TBCK: variants seen among roughly 807,000 people sequenced by gnomAD.
TBCK encodes TBC domain-containing protein kinase-like protein.
TBCK carries 99 observed loss-of-function variants against 113.4 expected under a neutral mutation model. That is an observed-to-expected ratio of 0.87 (90% CI 0.74 to 1.03). The LOEUF (loss-of-function observed/expected upper bound fraction) is 1.03, where lower values mean the gene tolerates loss of function less well. Among genes scored for constraint, TBCK ranks in the 50% least tolerant of loss-of-function variants. TBCK has a pLI of 0.00. For missense variants in TBCK, 1,045 were observed against 1,061.3 expected (o/e 0.98, Z 0.21); for synonymous variants, 369 against 370.8 (o/e 1.00, Z 0.05).
intron 15 of TBCK, among the ~76,000 whole-genome samples, chr4:106,234,102 TC>T (rs1176490197): frequency 5.9e-5 from 9 of 152,216 alleles, no homozygotes; most frequent in Admixed American, 3.3e-4. Flanking sequence ...TTGGTCGTGT[TC>T]TATAGGACCA....
At chr4:106,214,585 C>G (rs566385663) in intron 19 of TBCK, among the ~76,000 whole-genome samples, 1 of 151,732 alleles carries the variant, frequency 6.6e-6, no homozygotes, top group Non-Finnish European at 1.5e-5. Flanking sequence ...CGTCAGGAGC[C>G]GATGCGATCA....
chr4:106,195,570 T>C (rs1754137072), intron 20 of TBCK, among the ~76,000 whole-genome samples: 1 of 151,602 alleles, frequency 6.6e-6, no homozygotes, highest in Non-Finnish European at 1.5e-5. Flanking sequence ...CAGTAAACTG[T>C]CCTCTCCAGT....
intron 19 of TBCK, 106 bp from the exon 20 acceptor site, chr4:106,212,941 A>T: frequency 1.4e-6 from 1 of 719,212 alleles, no homozygotes; most frequent in Non-Finnish European, 2.3e-6. Flanking sequence ...TAATTTCTCC[A>T]TGAGAATACT....
intron 23 of TBCK, among the ~76,000 whole-genome samples, chr4:106,123,922 A>G (rs2149595419): frequency 6.6e-6 from 1 of 151,026 alleles, no homozygotes; most frequent in South Asian, 2.1e-4. Flanking sequence ...AGGCATTACC[A>G]TTCAGGACAT....
chr4:106,056,725 A>G, intron 25 of TBCK, among the ~76,000 whole-genome samples: 1 of 151,700 alleles, frequency 6.6e-6, no homozygotes, highest in Non-Finnish European at 1.5e-5. Context: ...GACTTCAGTC[A>G]GTATCATACA....
chr4:106,105,039 A>G lies in TBCK; in HGVS notation c.2412-9398T>C, dbSNP rs1741980779. ...GTGCGAACTCAGCAACTCCCTGCCC[A>G]GAGCCTACAGGGGCAAATAAAAGCC... is the stretch of plus-strand genomic sequence containing the variant. On this transcript the variant is annotated intron_variant, in intron 24 of 25. Transcript: ENST00000394708. Among the ~76,000 whole-genome samples, 4 of 152,370 alleles carry G rather than the reference A, an allele frequency of 2.6e-5. No individual in the cohort carries two copies. The South Asian group carries it at 8.3e-4, about 32-fold the overall frequency.
chr4:106,230,965 G>A (rs1053220304), intron 18 of TBCK, among the ~76,000 whole-genome samples: 3 of 151,796 alleles, frequency 2.0e-5, no homozygotes, highest in African/African-American at 7.2e-5. Flanking sequence ...GAATATCACA[G>A]AACAGAGTAT....
intron 20 of TBCK, among the ~76,000 whole-genome samples, chr4:106,210,345 GAGAAACCAAC>G (rs2149879991): frequency 6.6e-6 from 1 of 152,234 alleles, no homozygotes; most frequent in East Asian, 1.9e-4. Flanking sequence ...TTGAGAGCAA[GAGAAACCAAC>G]ACAAATATGC....
Position 106,044,184 on chromosome 4 carries a change from A to T in TBCK, c.*2386T>A, listed in dbSNP as rs1734017386. On this transcript the variant is annotated 3_prime_UTR_variant, in exon 26 of 26. Coordinates refer to ENST00000394708, the MANE Select transcript of TBCK (RefSeq NM_001163435.3). ...ACTACCTACCACCTTATTCAACTCA[A>T]ATCACTGCCCCTCCATCCCTCTCTT... 1 of 152,082 alleles carries T rather than the reference A, an allele frequency of 6.6e-6. No individual in the cohort carries two copies. The highest frequency in any genetic ancestry group is 2.1e-4 in the South Asian group (1 of 4,832). The allele number at this position is 152,082 out of a possible 1,614,324, so 9.4% of individuals were successfully genotyped here. A position where few individuals can be genotyped will look rare whatever the true frequency, so the allele number is the denominator to read the frequency against.
At chr4:106,246,362 A>C (rs1244258031) in intron 10 of TBCK, among the ~76,000 whole-genome samples, 1 of 152,192 alleles carries the variant, frequency 6.6e-6, no homozygotes, top group African/African-American at 2.4e-5. Flanking sequence ...ACTTTTCAGA[A>C]TAAAGGTAAC....
At chr4:106,133,862 T>G (rs1746243765) in intron 23 of TBCK, among the ~76,000 whole-genome samples, 1 of 151,998 alleles carries the variant, frequency 6.6e-6, no homozygotes, top group Non-Finnish European at 1.5e-5. Context: ...CTACAAAAAT[T>G]AGCCGGGCAT....
intron 22 of TBCK, among the ~76,000 whole-genome samples, chr4:106,189,399 C>CT (rs1483029821): frequency 6.9e-4 from 104 of 150,100 alleles, no homozygotes; most frequent in Non-Finnish European, 5.0e-4. Flanking sequence ...TATCATGTAG[C>CT]TACAAGCAGA....
chr4:106,260,421 GA>G lies in TBCK; in HGVS notation c.455+15del. ...AGTTAAAAAGAAACTCAAAATAGAG[GA>G]AAACATATCCTTACCCTATTGGGAA... On this transcript the variant is annotated intron_variant, in intron 5 of 25. Transcript: ENST00000394708. The G allele has an allele frequency of 1.7e-6, 2 of 1,165,258 alleles. No individual in the cohort carries two copies. The highest frequency in any genetic ancestry group is 2.3e-6 in the Non-Finnish European group (2 of 874,368). 72.2% of individuals were successfully genotyped at this position (1,165,258 alleles called of 1,614,324 possible). A position where few individuals can be genotyped will look rare whatever the true frequency, so the allele number is the denominator to read the frequency against.
chr4:106,217,344 C>G (rs1757077335), intron 19 of TBCK, among the ~76,000 whole-genome samples: 1 of 152,080 alleles, frequency 6.6e-6, no homozygotes, highest in Non-Finnish European at 1.5e-5. Context: ...TCCTATTCAA[C>G]ATAGTGTTGG....
At chr4:106,211,918 T>A (rs1055697266) in intron 20 of TBCK, among the ~76,000 whole-genome samples, 5 of 152,062 alleles carry the variant, frequency 3.3e-5, no homozygotes, top group African/African-American at 1.2e-4. Flanking sequence ...AATGTGAACA[T>A]TTTGGTTTTT....
intron 3 of TBCK, among the ~76,000 whole-genome samples, chr4:106,289,159 A>G (rs938207534): frequency 6.6e-6 from 1 of 152,182 alleles, no homozygotes; most frequent in Non-Finnish European, 1.5e-5. Context: ...GTTTCTGGGA[A>G]TATTCTAGTG....
intron 24 of TBCK, among the ~76,000 whole-genome samples, chr4:106,096,316 T>G (rs986029503): frequency 2.6e-5 from 4 of 152,226 alleles, no homozygotes; most frequent in African/African-American, 4.8e-5. Context: ...TGAAAGTACT[T>G]TTATTTTCAG....
Position 106,293,185 on chromosome 4 carries a change from C to A in TBCK, c.266+1909G>T, listed in dbSNP as rs1044216622. On this transcript the variant is annotated intron_variant, in intron 3 of 25. Coordinates refer to ENST00000394708, the MANE Select transcript of TBCK (RefSeq NM_001163435.3). Reference sequence around the variant, plus strand: ...AGACAATATCAAATCTCCATACATTCTAGATTAAAGTCAAGACAGAATATC... The same window carrying A: ...AGACAATATCAAATCTCCATACATTATAGATTAAAGTCAAGACAGAATATC... 1.7e-4 allele frequency among the ~76,000 whole-genome samples: 26 copies of A among 152,282 alleles called. 1 individual carries two copies. The highest frequency in any genetic ancestry group is 1.6e-3 in the Admixed American group (24 of 15,288).
At chr4:106,307,983 T>TCC (rs1767716520) in intron 2 of TBCK, among the ~76,000 whole-genome samples, 1 of 152,086 alleles carries the variant, frequency 6.6e-6, no homozygotes. Flanking sequence ...ATCTACTGAC[T>TCC]CCCTTTTCAT....
Sources: allele counts gnomAD v4.1 joint callset (sites outside exome capture counted in the v4.1 genomes callset), GRCh38; gene constraint gnomAD v4.1.1; transcripts MANE v1.5; gene names NCBI Gene and HGNC (gene_info 2026-07-23, HGNC 2026-07-21).